ZNF785: variants seen among roughly 807,000 people sequenced by gnomAD.
ZNF785 encodes the protein zinc finger protein 785.
In ZNF785, 15 loss-of-function variants were observed where a neutral mutation model predicts 11.3. The observed-to-expected ratio is 1.32, with a 90% confidence interval of 0.89 to 2.04. The LOEUF (loss-of-function observed/expected upper bound fraction) is 2.04, where lower values mean the gene tolerates loss of function less well. Among genes scored for constraint, ZNF785 ranks in the 30% most tolerant of loss-of-function variants. The pLI is 0.00. For synonymous variants in ZNF785, 221 were observed against 231.0 expected, an observed-to-expected ratio of 0.96 and a Z score of 0.39; for missense variants, 572 against 560.9, an observed-to-expected ratio of 1.02 and a Z score of -0.20.
chr16:30,579,963 C>T (rs2051785368), downstream of ZNF785: 12 of 412,332 alleles, frequency 2.9e-5, no homozygotes, highest in South Asian at 2.1e-4. Context: ...TCTCAGCTCA[C>T]TGCAAGCTCC....
At chr16:30,579,936 G>C, downstream of ZNF785, 1 of 447,062 alleles carries the variant, frequency 2.2e-6, no homozygotes, top group Admixed American at 2.4e-5. Context: ...CGCCCAGGCT[G>C]GAGTGCAGTG....
In ZNF785 at chr16:30,585,271, G is replaced by A; in HGVS notation, c.206-21C>T. The A allele has an allele frequency of 1.2e-6, 2 of 1,612,596 alleles. No individual in the cohort carries two copies. Among genetic ancestry groups the A allele is most frequent in the Non-Finnish European group, 1.7e-6 (2 of 1,179,554 alleles). On this transcript the variant is annotated intron_variant, in intron 1 of 2. Transcript: ENST00000395216. This position sits in a 1 kb window ranked among gnomAD's most constrained non-coding sequence, Gnocchi z 4.0. ...AAATCCTGCGAAGGAGAAACAATGG[G>A]CTCGGCTGAGCGCACGGGAGGGGAG...
chr16:30,580,225 TTGC>T (rs1165710776), downstream of ZNF785, among the ~76,000 whole-genome samples: 1 of 145,446 alleles, frequency 6.9e-6, no homozygotes, highest in Non-Finnish European at 1.5e-5. Flanking sequence ...TCTTGCTCTG[TTGC>T]CCAGGCTGGA....
Position 30,585,691 on chromosome 16 carries a change from A to T in ZNF785, c.-80T>A. The T allele has an allele frequency of 6.9e-7, 1 of 1,440,632 alleles. No individual in the cohort carries two copies. Among genetic ancestry groups the T allele is most frequent in the Non-Finnish European group, 9.1e-7 (1 of 1,104,116 alleles). The allele number at this position is 1,440,632 out of a possible 1,614,324, so 89.2% of individuals were successfully genotyped here. On this transcript the variant is annotated 5_prime_UTR_variant, in exon 1 of 3. It adds an upstream start codon to the 5' untranslated region. Coordinates refer to ENST00000395216, the MANE Select transcript of ZNF785 (RefSeq NM_152458.7). The surrounding 1 kb of genome is among the most constrained non-coding windows in gnomAD (Gnocchi z 4.0). ...GCGCTTTCCTGTCTTTCCTCAGACA[A>T]GTCCGTAAGGGACTCCTGCCCTTAA...
rs2051880956 is a variant in ZNF785 at position 30,585,444 on chromosome 16, G to A, written c.168C>T (p.Asp56=). ...GGTGGCCGAAGGTCTCCCGCATCAC[G>A]TCCCGGTACAGGGCCCTCTGCGCTG... ...LRPAQRALYR[D]VMRETFGHLG... is the part of the protein sequence containing the mutation. The change falls in exon 1 of 3, where the codon GAC becomes GAT. Residue 56 remains aspartate (D), a synonymous_variant. Coordinates refer to ENST00000395216, the MANE Select transcript of ZNF785 (RefSeq NM_152458.7). The surrounding 1 kb of genome is among the most constrained non-coding windows in gnomAD (Gnocchi z 4.0). 1 of 1,601,210 alleles carries A rather than the reference G, an allele frequency of 6.2e-7. No individual in the cohort carries two copies. Among genetic ancestry groups the A allele is most frequent in the Non-Finnish European group, 8.5e-7 (1 of 1,174,614 alleles).
At position 30,582,835 on chromosome 16, in the gene ZNF785, G is replaced by C. The variant is rs745551153; in HGVS notation, c.943C>G (p.Pro315Ala). 1 of 1,611,008 alleles carries C rather than the reference G, an allele frequency of 6.2e-7. No homozygotes were observed. The highest frequency in any genetic ancestry group is 1.7e-5 in the Admixed American group (1 of 59,892). ...IHTGEKPYPC[P>A]DCGRRFTYSS... ...TAGGTGAAGCGGCGGCCGCAGTCAG[G>C]ACAGGGGTAGGGCTTCTCGCCGGTG... Residue 315 changes from proline (P) to alanine (A), a missense_variant, in exon 3 of 3, where the codon CCT (proline) becomes GCT (alanine). Transcript: ENST00000395216.
chr16:30,578,525 T>C (rs893842306), downstream of ZNF785: 6 of 152,192 alleles, frequency 3.9e-5, no homozygotes, highest in African/African-American at 1.2e-4. Flanking sequence ...GAGCTGAATT[T>C]CTTTCTTTCT....
rs1469713587 is a variant in ZNF785, at chr16:30,585,532, C to CCCGG, written c.76_79dup (p.Gly27AlafsTer73). 6.3e-7 allele frequency: 1 copy of CCCGG among 1,583,202 alleles called. No individual in the cohort carries two copies. The highest frequency in any genetic ancestry group is 8.6e-7 in the Non-Finnish European group (1 of 1,166,242). ...GGCCACGTCCGCGAAGCTCACGGCG[C>CCCGG]CCGGCCTGCTTTCCCTCGTCCTCCG... On this transcript the variant is annotated frameshift_variant, in exon 1 of 3. Transcript: ENST00000395216. LOFTEE classifies it high-confidence loss of function. This position sits in a 1 kb window ranked among gnomAD's most constrained non-coding sequence, Gnocchi z 4.0.
At chr16:30,578,781 T>C (rs1142115), downstream of ZNF785, 1 of 152,272 alleles carries the variant, frequency 6.6e-6, no homozygotes, top group Non-Finnish European at 1.5e-5. Flanking sequence ...TCTGCCCACC[T>C]TGGCCTACCA....
At chr16:30,583,534 C>A in intron 2 of ZNF785, 91 bp from the exon 3 acceptor site, 1 of 1,486,734 alleles carries the variant, frequency 6.7e-7, no homozygotes, top group African/African-American at 1.4e-5. Context: ...ATTCCGGGAC[C>A]ATGTCCTGCC....
chr16:30,585,520 A>C lies in ZNF785; in HGVS notation c.92T>G (p.Phe31Cys). 1.9e-6 allele frequency: 3 copies of C among 1,590,494 alleles called. No homozygotes were observed. Among genetic ancestry groups the C allele is most frequent in the Middle Eastern group, 1.7e-4 (1 of 5,998 alleles). Reference sequence around the variant, plus strand: ...AGAGAAGTACACGGCCACGTCCGCGAAGCTCACGGCGCCCGGCCTGCTTTC... The same window carrying C: ...AGAGAAGTACACGGCCACGTCCGCGCAGCTCACGGCGCCCGGCCTGCTTTC... Reference protein sequence around the residue: ...TRESRPGAVSFADVAVYFSPE... With the variant: ...TRESRPGAVSCADVAVYFSPE... The change falls in exon 1 of 3, where the codon TTC (phenylalanine) becomes TGC (cysteine). Residue 31 changes from phenylalanine to cysteine, a missense_variant. Coordinates refer to ENST00000395216, the MANE Select transcript of ZNF785 (RefSeq NM_152458.7). This position sits in a 1 kb window ranked among gnomAD's most constrained non-coding sequence, Gnocchi z 4.0.
chr16:30,583,684 C>T (rs1049229022), intron 2 of ZNF785: 11 of 441,560 alleles, frequency 2.5e-5, no homozygotes, highest in Non-Finnish European at 4.4e-5. Flanking sequence ...AGGCCCTGAG[C>T]ACTGGAGATA....
At chr16:30,580,446 C>A (rs1382683145), downstream of ZNF785, among the ~76,000 whole-genome samples, 1 of 151,502 alleles carries the variant, frequency 6.6e-6, no homozygotes, top group East Asian at 1.9e-4. Flanking sequence ...GCTCCGCCTC[C>A]CGGGTTCACG....
rs572859803 is a variant in ZNF785 at position 30,581,390 on chromosome 16, G to A, written c.*1170C>T. 6.6e-6 allele frequency: 1 copy of A among 151,104 alleles called. No homozygotes were observed. The highest frequency in any genetic ancestry group is 1.9e-4 in the East Asian group (1 of 5,138). The allele number at this position is 151,104 out of a possible 1,614,324, so 9.4% of individuals were successfully genotyped here. On this transcript the variant is annotated 3_prime_UTR_variant, in exon 3 of 3. Transcript: ENST00000395216. ...CAGGAGAATGGTGTGAACCCAGGAG[G>A]TGGAGCTTGCAGTGAGCGTAGCTTG...
chr16:30,583,181 G>C lies in ZNF785; in HGVS notation c.597C>G (p.Pro199=). Reference sequence around the variant, plus strand: ...GCGCCTGACACTGGCCGCAGGAGAAGGGCCGCTCCCCGGAGTGGACCCGCT... The same window carrying C: ...GCGCCTGACACTGGCCGCAGGAGAACGGCCGCTCCCCGGAGTGGACCCGCT... ...SHQRVHSGER[P]FSCGQCQARF... Residue 199 remains proline (P), a synonymous_variant, in exon 3 of 3, where the codon CCC becomes CCG. Coordinates refer to ENST00000395216, the MANE Select transcript of ZNF785 (RefSeq NM_152458.7). The C allele has an allele frequency of 6.2e-7, 1 of 1,614,112 alleles. No homozygotes were observed. Among genetic ancestry groups the C allele is most frequent in the South Asian group, 1.1e-5 (1 of 91,078 alleles).
chr16:30,579,930 C>G, downstream of ZNF785: 1 of 450,900 alleles, frequency 2.2e-6, no homozygotes, highest in East Asian at 7.0e-5. Context: ...CTTTGTCGCC[C>G]AGGCTGGAGT....
rs1032643050 is a variant in ZNF785, at chr16:30,582,343, G to A, written c.*217C>T. The A allele has an allele frequency of 4.0e-5, 25 of 624,770 alleles. No homozygotes were observed. In the African/African-American group the frequency reaches 4.4e-4, roughly 11 times the overall value. The allele number at this position is 624,770 out of a possible 1,614,324, so 38.7% of individuals were successfully genotyped here. On this transcript the variant is annotated 3_prime_UTR_variant, in exon 3 of 3. Transcript: ENST00000395216. ...GTGAAGGATGGGACGTGAACACGGG[G>A]CCCTGTGTGCTGGAGCTTCAGAAAA...
Position 30,583,186 on chromosome 16 carries a change from G to A in ZNF785, c.592C>T (p.Arg198Trp), listed in dbSNP as rs1055380296. 15 of 1,613,842 alleles carry A rather than the reference G, an allele frequency of 9.3e-6. No homozygotes were observed. Among genetic ancestry groups the A allele is most frequent in the Admixed American group, 5.0e-5 (3 of 59,988 alleles). The part of the protein sequence containing the change: ...ASHQRVHSGE[R>W]PFSCGQCQAR... ...TGACACTGGCCGCAGGAGAAGGGCCGCTCCCCGGAGTGGACCCGCTGGTGG... is the reference window on the plus strand; with the variant it reads ...TGACACTGGCCGCAGGAGAAGGGCCACTCCCCGGAGTGGACCCGCTGGTGG... Residue 198 changes from arginine to tryptophan, a missense_variant, in exon 3 of 3, where the codon CGG becomes TGG. Transcript: ENST00000395216.
rs1293771216 is a variant in ZNF785, at chr16:30,582,534, A to G, written c.*26T>C. 8 of 1,611,076 alleles carry G rather than the reference A, an allele frequency of 5.0e-6. No individual in the cohort carries two copies. The highest frequency in any genetic ancestry group is 6.8e-6 in the Non-Finnish European group (8 of 1,178,124). The stretch of plus-strand genomic sequence containing the variant: ...ACCTTGCCTCTTCCTCTCCAGGGAA[A>G]CGCTGACCAGTTTGTGTGAACGCCA... On this transcript the variant is annotated 3_prime_UTR_variant, in exon 3 of 3. Transcript: ENST00000395216.
Sources: allele counts gnomAD v4.1 joint callset (sites outside exome capture counted in the v4.1 genomes callset), GRCh38; gene constraint gnomAD v4.1.1; non-coding constraint Gnocchi (gnomAD v3.1); transcripts MANE v1.5; gene names NCBI Gene and HGNC (gene_info 2026-07-23, HGNC 2026-07-21).